The following SUSD5 variants were observed in gnomAD, a reference collection of about 807,000 sequenced individuals.
SUSD5 encodes the protein sushi domain containing 5.
Under a neutral mutation model 29.5 loss-of-function variants are expected in SUSD5, and 33 were observed. That is an observed-to-expected ratio of 1.12 (90% CI 0.85 to 1.49). The LOEUF (loss-of-function observed/expected upper bound fraction) is 1.49. Ranked by LOEUF, SUSD5 falls within the 40% of genes most tolerant of loss-of-function variation. SUSD5 has a pLI of 0.00. For missense variants in SUSD5, 776 were observed against 800.6 expected, an observed-to-expected ratio of 0.97 and a Z score of 0.37; for synonymous variants, 308 against 325.3, an observed-to-expected ratio of 0.95 and a Z score of 0.57.
At chr3:33,192,353 A>G (rs1287719809) in intron 3 of SUSD5, among the ~76,000 whole-genome samples, 1 of 150,080 alleles carries the variant, frequency 6.7e-6, no homozygotes, top group Admixed American at 6.7e-5. Flanking sequence ...TTGGCCTCCC[A>G]AAGTGCTGGG....
At chr3:33,199,938 A>T (rs765946489) in intron 3 of SUSD5, among the ~76,000 whole-genome samples, 1 of 152,204 alleles carries the variant, frequency 6.6e-6, no homozygotes, top group African/African-American at 2.4e-5. Context: ...GGTTCCTCTC[A>T]CTTTCTGCCA....
At chr3:33,197,765 A>G (rs2032022092) in intron 3 of SUSD5, among the ~76,000 whole-genome samples, 1 of 152,198 alleles carries the variant, frequency 6.6e-6, no homozygotes. Flanking sequence ...AGCTTAATAT[A>G]TAGAGATTCA....
intron 3 of SUSD5, among the ~76,000 whole-genome samples, chr3:33,182,181 C>T (rs1017271249): frequency 6.6e-6 from 1 of 152,158 alleles, no homozygotes; most frequent in Non-Finnish European, 1.5e-5. Flanking sequence ...TCTTCTTTGA[C>T]CCATGCATTA....
In SUSD5 at chr3:33,214,095, A is replaced by C; in HGVS notation, c.123T>G (p.Phe41Leu). 1 of 1,605,520 alleles carries C rather than the reference A, an allele frequency of 6.2e-7. No individual in the cohort carries two copies. The highest frequency in any genetic ancestry group is 2.2e-5 in the East Asian group (1 of 44,744). Residue 41 changes from phenylalanine to leucine, a missense_variant, in exon 2 of 5, where the codon TTT becomes TTG. Phe to Leu is a conservative substitution (Grantham distance 22, BLOSUM62 0). Transcript: ENST00000309558. ...GAGAGCCATTCTGAGACTCCAGCAC[A>C]AAGAACTTTCCTGTGTGGGAACAAG... ...RLSVRADGKF[F>L]VLESQNGSQG...
intron 2 of SUSD5, among the ~76,000 whole-genome samples, chr3:33,210,615 A>G (rs899646619): frequency 1.3e-5 from 2 of 152,224 alleles, no homozygotes; most frequent in Non-Finnish European, 2.9e-5. Flanking sequence ...TATGCCATCA[A>G]TTACAAGATG....
intron 2 of SUSD5, 136 bp downstream of exon 2, chr3:33,213,792 C>T: frequency 9.8e-7 from 1 of 1,015,556 alleles, no homozygotes; most frequent in Non-Finnish European, 1.4e-6. Context: ...CAAAACAAAA[C>T]AAAACAAAAC....
intron 3 of SUSD5, among the ~76,000 whole-genome samples, chr3:33,183,184 T>G (rs2031708317): frequency 6.6e-6 from 1 of 152,208 alleles, no homozygotes; most frequent in Non-Finnish European, 1.5e-5. Context: ...TAACACACTC[T>G]GATAATACCT....
At chr3:33,207,000 T>G (rs1314723142) in intron 3 of SUSD5, among the ~76,000 whole-genome samples, 2 of 152,038 alleles carry the variant, frequency 1.3e-5, no homozygotes, top group Non-Finnish European at 2.9e-5. Context: ...TGCTTCTCCC[T>G]CCCCATTCAC....
intron 3 of SUSD5, among the ~76,000 whole-genome samples, chr3:33,181,823 G>A (rs1283621928): frequency 6.6e-6 from 1 of 152,202 alleles, no homozygotes; most frequent in East Asian, 1.9e-4. Flanking sequence ...ACAACAGGCT[G>A]TACCATTAGT....
intron 4 of SUSD5, among the ~76,000 whole-genome samples, chr3:33,158,404 C>G (rs551680585): frequency 6.6e-6 from 1 of 152,300 alleles, no homozygotes; most frequent in South Asian, 2.1e-4. Flanking sequence ...CACAGCCTGG[C>G]TGGTGAGAGC....
Position 33,185,416 on chromosome 3 carries a change from T to TC in SUSD5, c.410-10343dup, listed in dbSNP as rs568752072. Among the ~76,000 whole-genome samples, 20 of 152,344 alleles carry TC rather than the reference T, an allele frequency of 1.3e-4. No individual in the cohort carries two copies. The South Asian group carries it at 2.3e-3, about 17-fold the overall frequency. On this transcript the variant is annotated intron_variant, in intron 3 of 4. Coordinates refer to ENST00000309558, the MANE Select transcript of SUSD5 (RefSeq NM_015551.2). ...GCATGGGGGCCCCTTGATGACTGGGTCCCCCTGGAGTTTTTAACTCACAAA... is the reference window on the plus strand; with the variant it reads ...GCATGGGGGCCCCTTGATGACTGGGTCCCCCCTGGAGTTTTTAACTCACAAA...
intron 3 of SUSD5, among the ~76,000 whole-genome samples, chr3:33,203,906 T>G (rs1419947057): frequency 6.6e-6 from 1 of 152,036 alleles, no homozygotes; most frequent in Non-Finnish European, 1.5e-5. Context: ...TGTAGACCAT[T>G]TGTTGTTGCT....
chr3:33,207,006 T>C (rs953111964), intron 3 of SUSD5, among the ~76,000 whole-genome samples: 26 of 152,108 alleles, frequency 1.7e-4, no homozygotes, highest in African/African-American at 6.0e-4. Flanking sequence ...TCCCTCCCCA[T>C]TCACATGAAT....
At position 33,204,028 on chromosome 3, in the gene SUSD5, C is replaced by T. The variant is rs528432371; in HGVS notation, c.409+3780G>A. 6.6e-5 allele frequency among the ~76,000 whole-genome samples: 10 copies of T among 152,166 alleles called. No homozygotes were observed. The highest frequency in any genetic ancestry group is 6.5e-4 in the Admixed American group (10 of 15,286). ...CTCCTGAATTCTAGAGATTCTCTCACCTCAGCCTCCAGAGTAGCTGGGAAT... is the reference window on the plus strand; with the variant it reads ...CTCCTGAATTCTAGAGATTCTCTCATCTCAGCCTCCAGAGTAGCTGGGAAT... On this transcript the variant is annotated intron_variant, in intron 3 of 4. Transcript: ENST00000309558. This position sits in a 1 kb window ranked among gnomAD's most constrained non-coding sequence, Gnocchi z 4.5.
chr3:33,176,018 C>T (rs2031545416), intron 3 of SUSD5, among the ~76,000 whole-genome samples: 1 of 152,162 alleles, frequency 6.6e-6, no homozygotes. Flanking sequence ...CTTCCTTCTC[C>T]CTAAAGATTG....
intron 3 of SUSD5, among the ~76,000 whole-genome samples, chr3:33,180,517 T>C (rs1280141649): frequency 6.6e-6 from 1 of 152,134 alleles, no homozygotes; most frequent in African/African-American, 2.4e-5. Flanking sequence ...CATGCATCTG[T>C]GCCCAGCTAA....
intron 1 of SUSD5, 25 bp downstream of exon 1, chr3:33,218,661 G>C: frequency 5.5e-5 from 41 of 745,182 alleles, no homozygotes; most frequent in Non-Finnish European, 7.4e-5. Flanking sequence ...TCCACCCCCC[G>C]CCCCGCCGCC....
intron 4 of SUSD5, among the ~76,000 whole-genome samples, chr3:33,154,547 A>G (rs1311945538): frequency 6.6e-6 from 1 of 150,666 alleles, no homozygotes; most frequent in Non-Finnish European, 1.5e-5. Context: ...CAACAACTCA[A>G]AAACAACAAC....
At chr3:33,191,155 A>C (rs1485678028) in intron 3 of SUSD5, among the ~76,000 whole-genome samples, 1 of 148,306 alleles carries the variant, frequency 6.7e-6, no homozygotes. Flanking sequence ...TTTGAGATGG[A>C]GTCTTGCTCT....
Sources: gnomAD v4.1 joint callset for allele counts (sites outside exome capture counted in the v4.1 genomes callset) on GRCh38, gnomAD v4.1.1 for gene constraint, Gnocchi (gnomAD v3.1) non-coding constraint, MANE v1.5 for transcripts, NCBI Gene and HGNC (gene_info 2026-07-23, HGNC 2026-07-21) for gene names.